The following PMPCB variants were observed in gnomAD, a reference collection of about 807,000 sequenced individuals.
PMPCB encodes mitochondrial-processing peptidase subunit beta.
In PMPCB, 46 loss-of-function variants were observed where a neutral mutation model predicts 61.5. The ratio of observed to expected loss-of-function variants is 0.75; its 90% CI spans 0.59 to 0.96. PMPCB has a LOEUF of 0.96. PMPCB is among the 40% of genes least tolerant of loss of function. PMPCB has a pLI of 0.00. For synonymous variants in PMPCB, 191 were observed against 201.6 expected (o/e 0.95, Z 0.44); for missense variants, 590 against 602.4 (o/e 0.98, Z 0.22).
rs1817334870 is a variant in PMPCB at position 103,297,961 on chromosome 7, T to G, written c.99+403T>G. On this transcript the variant is annotated intron_variant, in intron 1 of 12. Coordinates refer to ENST00000249269, the MANE Select transcript of PMPCB (RefSeq NM_004279.3). ...AACCTGGACATCAATGAAGTAAAATTTTTTATGTATTTGCATTTTTCTCAT... is the reference window on the plus strand; with the variant it reads ...AACCTGGACATCAATGAAGTAAAATGTTTTATGTATTTGCATTTTTCTCAT... 5.2e-5 allele frequency: 63 copies of G among 1,202,622 alleles called. 2 individuals carry two copies. In the South Asian group the frequency reaches 9.5e-4, roughly 18 times the overall value. The allele number at this position is 1,202,622 out of a possible 1,614,324, so 74.5% of individuals were successfully genotyped here. A position where few individuals can be genotyped will look rare whatever the true frequency, so the allele number is the denominator to read the frequency against.
At chr7:103,305,615 G>A (rs1449545324) in intron 6 of PMPCB, among the ~76,000 whole-genome samples, 1 of 152,090 alleles carries the variant, frequency 6.6e-6, no homozygotes, top group African/African-American at 2.4e-5. Context: ...GTGTTCTTTC[G>A]TGTTGTAAAT....
intron 12 of PMPCB, chr7:103,319,870 A>C: frequency 6.2e-7 from 1 of 1,609,076 alleles, no homozygotes; most frequent in Non-Finnish European, 8.5e-7. Flanking sequence ...CAAAAATAGT[A>C]TCTACACTCA....
chr7:103,341,968 T>C, the PMPCB span: 1 of 1,539,462 alleles, frequency 6.5e-7, no homozygotes, highest in Non-Finnish European at 8.7e-7. Context: ...TGATTGAAAG[T>C]GTTAAGAGAG....
intron 12 of PMPCB, chr7:103,321,861 CAAAA>C (rs1175270008): frequency 6.6e-7 from 1 of 1,524,938 alleles, no homozygotes; most frequent in Non-Finnish European, 8.9e-7. Context: ...AACAAACAAA[CAAAA>C]AGAAGTATTT....
chr7:103,313,219 T>TA lies in PMPCB; in HGVS notation c.*951dup. The TA allele has an allele frequency of 6.8e-7, 1 of 1,462,132 alleles. No individual in the cohort carries two copies. The highest frequency in any genetic ancestry group is 1.5e-5 in the South Asian group (1 of 67,476). 90.6% of individuals were successfully genotyped at this position (1,462,132 alleles called of 1,614,324 possible). On this transcript the variant is annotated 3_prime_UTR_variant, in exon 13 of 13. Transcript: ENST00000249269. ...AATCTGGGATGTGTCATTTTGAAAATAAACTTGTAGAGATGAGAGATACAT... is the reference window on the plus strand; with the variant it reads ...AATCTGGGATGTGTCATTTTGAAAATAAAACTTGTAGAGATGAGAGATACAT...
intron 12 of PMPCB, chr7:103,327,637 C>G: frequency 6.7e-7 from 1 of 1,496,710 alleles, no homozygotes; most frequent in Non-Finnish European, 9.3e-7. Context: ...AAATTCCTGA[C>G]TCTAAAGCAT....
At chr7:103,304,925 C>T (rs1236309278) in intron 6 of PMPCB, among the ~76,000 whole-genome samples, 2 of 151,572 alleles carry the variant, frequency 1.3e-5, no homozygotes, top group African/African-American at 2.4e-5. Context: ...CACCACTGCA[C>T]TCCAGCGTGG....
chr7:103,310,609 T>C lies in PMPCB; in HGVS notation c.1154+134T>C, dbSNP rs140678793. The C allele has an allele frequency of 4.4e-3, 2,651 of 600,240 alleles. 12 individuals are homozygous for C. The highest frequency in any genetic ancestry group is 6.1e-3 in the Non-Finnish European group (2,273 of 372,506). The allele number at this position is 600,240 out of a possible 1,614,324, so 37.2% of individuals were successfully genotyped here. The stretch of plus-strand genomic sequence containing the variant: ...AGACCTAGATAAACAGTAGTTGCCA[T>C]GTTTTCAAAGGTTGCAGTTGGTTTT... On this transcript the variant is annotated intron_variant, in intron 9 of 12. Coordinates refer to ENST00000249269, the MANE Select transcript of PMPCB (RefSeq NM_004279.3).
In PMPCB at chr7:103,324,950, A is replaced by G. The variant is rs561527682; in HGVS notation, c.*1432-3981A>G. On this transcript the variant is annotated intron_variant and NMD_transcript_variant, in intron 12 of 12. Coordinates refer to the PMPCB transcript ENST00000444457. ...CAACCTGTAGGCCTAGCCCTTTAAA[A>G]ATGTTAATATTCACAGAGGGAACTA... Among the ~76,000 whole-genome samples the G allele has an allele frequency of 5.3e-5, 8 of 152,304 alleles. No individual in the cohort carries two copies. In the East Asian group the frequency reaches 1.5e-3, roughly 29 times the overall value.
Position 103,314,334 on chromosome 7 carries a change from G to C in PMPCB, c.*2063G>C, listed in dbSNP as rs564414769. 1.0e-6 allele frequency: 1 copy of C among 985,354 alleles called. No homozygotes were observed. The highest frequency in any genetic ancestry group is 1.2e-6 in the Non-Finnish European group (1 of 829,870). The allele number at this position is 985,354 out of a possible 1,614,324, so 61.0% of individuals were successfully genotyped here. The stretch of plus-strand genomic sequence containing the variant: ...TATGAGAAATCACTATTCAAAAAAT[G>C]GTGCCAGCTTGCTGTTTAATGGTAC... On this transcript the variant is annotated 3_prime_UTR_variant, in exon 13 of 13. Transcript: ENST00000249269.
chr7:103,312,323 G>C lies in PMPCB; in HGVS notation c.*52G>C. 1 of 1,597,380 alleles carries C rather than the reference G, an allele frequency of 6.3e-7. No individual in the cohort carries two copies. Among genetic ancestry groups the C allele is most frequent in the African/African-American group, 1.3e-5 (1 of 74,496 alleles). On this transcript the variant is annotated 3_prime_UTR_variant, in exon 13 of 13. Coordinates refer to ENST00000249269, the MANE Select transcript of PMPCB (RefSeq NM_004279.3). Reference sequence around the variant, plus strand: ...CACATGTATTTATAAAACAGAGCTAGAGAAAAATAAAAATGAACATGTATA... The same window carrying C: ...CACATGTATTTATAAAACAGAGCTACAGAAAAATAAAAATGAACATGTATA...
At chr7:103,339,848 CTTTT>C in the PMPCB span, among the ~76,000 whole-genome samples, 1 of 147,966 alleles carries the variant, frequency 6.8e-6, no homozygotes, top group Non-Finnish European at 1.5e-5. Flanking sequence ...TCCCACGCCC[CTTTT>C]TTTGAGATAG....
At chr7:103,344,676 G>A in the PMPCB span, 1 of 1,579,406 alleles carries the variant, frequency 6.3e-7, no homozygotes, top group Non-Finnish European at 8.6e-7. Flanking sequence ...CGGGCGGAGG[G>A]CGCTTAGGGT....
At chr7:103,318,952 TC>T (rs1278495170), downstream of PMPCB, among the ~76,000 whole-genome samples, 1 of 152,122 alleles carries the variant, frequency 6.6e-6, no homozygotes, top group African/African-American at 2.4e-5. Context: ...GCATGGTGGC[TC>T]ATGCCTATAA....
intron 12 of PMPCB, chr7:103,327,845 C>A: frequency 1.4e-6 from 1 of 710,880 alleles, no homozygotes; most frequent in Non-Finnish European, 2.4e-6. Flanking sequence ...AATCATAAGG[C>A]TAATATTAGA....
chr7:103,337,785 T>C, the PMPCB span: 1 of 1,613,558 alleles, frequency 6.2e-7, no homozygotes, highest in Non-Finnish European at 8.5e-7. Flanking sequence ...CATGGCCAAG[T>C]CCAAGAACTG....
chr7:103,333,642 T>TGG (rs550534778), downstream of PMPCB, among the ~76,000 whole-genome samples: 8 of 152,288 alleles, frequency 5.3e-5, no homozygotes, highest in East Asian at 1.5e-3. Context: ...AAAGTTCCCT[T>TGG]GTACCCTTTT....
At position 103,300,195 on chromosome 7, in the gene PMPCB, C is replaced by G; in HGVS notation, c.345C>G (p.Ser115=). The part of the protein sequence containing the change: ...HMAFKGTKKR[S]QLDLELEIEN... ...ATTTCAAGGGCACCAAGAAGAGATC[C>G]CAGTTAGATCTGGAACTTGAGATTG... Residue 115 remains serine, a synonymous_variant, in exon 4 of 13, where the codon TCC becomes TCG. Coordinates refer to ENST00000249269, the MANE Select transcript of PMPCB (RefSeq NM_004279.3). 1 of 1,611,132 alleles carries G rather than the reference C, an allele frequency of 6.2e-7. No homozygotes were observed. Among genetic ancestry groups the G allele is most frequent in the Non-Finnish European group, 8.5e-7 (1 of 1,178,726 alleles).
intron 12 of PMPCB, chr7:103,319,743 TC>T: frequency 6.2e-7 from 1 of 1,614,184 alleles, no homozygotes; most frequent in Non-Finnish European, 8.5e-7. Flanking sequence ...CAATAGCAGT[TC>T]CATAGGTATA....
Sources: allele counts gnomAD v4.1 joint callset (sites outside exome capture counted in the v4.1 genomes callset), GRCh38; gene constraint gnomAD v4.1.1; transcripts MANE v1.5; gene names NCBI Gene and HGNC (gene_info 2026-07-23, HGNC 2026-07-21).